The following GRID2 variants were observed in gnomAD, a reference collection of about 807,000 sequenced individuals.
GRID2 encodes the protein glutamate ionotropic receptor delta type subunit 2.
A neutral mutation model predicts 114.8 loss-of-function variants in GRID2; 33 were observed. That is an observed-to-expected ratio of 0.29 (90% CI 0.22 to 0.38). The LOEUF is 0.38. Ranked by LOEUF, GRID2 falls within the 10% of genes least tolerant of loss-of-function variation. GRID2 has a pLI of 1.00. For missense variants in GRID2, 1,184 were observed against 1,257.7 expected (o/e 0.94, Z 0.89); for synonymous variants, 505 against 449.9 (o/e 1.12, Z -1.55).
In GRID2 at chr4:93,707,112, A is replaced by T. The variant is rs180879233; in HGVS notation, c.2361-62098A>T. ...GTTGTTGAACTCAGTTTGCTGGTGT[A>T]TTGTTAAGGATTTTGCATCAGCATT... On this transcript the variant is annotated intron_variant, in intron 14 of 15. Coordinates refer to ENST00000282020, the MANE Select transcript of GRID2 (RefSeq NM_001510.4). 2.7e-3 allele frequency among the ~76,000 whole-genome samples: 404 copies of T among 152,042 alleles called. 4 individuals carry two copies. Among genetic ancestry groups the T allele is most frequent in the African/African-American group, 9.3e-3 (386 of 41,498 alleles).
intron 2 of GRID2, among the ~76,000 whole-genome samples, chr4:92,701,095 C>T (rs1734656026): frequency 6.6e-6 from 1 of 151,812 alleles, no homozygotes; most frequent in Non-Finnish European, 1.5e-5. Context: ...TTAACATTTA[C>T]CAGATTTAAC....
chr4:93,090,041 T>C (rs1414274977), intron 3 of GRID2, among the ~76,000 whole-genome samples: 2 of 152,176 alleles, frequency 1.3e-5, no homozygotes, highest in East Asian at 3.9e-4. Context: ...AGGAGACCTA[T>C]GGAGAATTGT....
chr4:93,766,568 G>A (rs1489288423), intron 14 of GRID2, among the ~76,000 whole-genome samples: 1 of 152,184 alleles, frequency 6.6e-6, no homozygotes, highest in Non-Finnish European at 1.5e-5. Flanking sequence ...ATGGTGTGAT[G>A]CAAATAGGAG....
intron 9 of GRID2, among the ~76,000 whole-genome samples, chr4:93,413,328 C>A (rs1353536691): frequency 6.6e-6 from 1 of 152,024 alleles, no homozygotes; most frequent in Non-Finnish European, 1.5e-5. Context: ...GGTTTTGATT[C>A]GCATTGCTCT....
At chr4:93,001,089 T>A (rs187510391) in intron 2 of GRID2, among the ~76,000 whole-genome samples, 1 of 151,826 alleles carries the variant, frequency 6.6e-6, no homozygotes, top group East Asian at 1.9e-4. Context: ...GATGAAAACA[T>A]ATTTATTTGG....
intron 2 of GRID2, among the ~76,000 whole-genome samples, chr4:92,888,108 T>G (rs936584150): frequency 2.0e-5 from 3 of 152,214 alleles, no homozygotes; most frequent in East Asian, 3.8e-4. Flanking sequence ...ACCATCTAGC[T>G]TAACTTGTTC....
chr4:92,865,578 T>C (rs1025995589), intron 2 of GRID2, among the ~76,000 whole-genome samples: 25 of 152,210 alleles, frequency 1.6e-4, no homozygotes, highest in African/African-American at 6.0e-4. Context: ...CTTGCTATCA[T>C]ATTCCCTTCA....
intron 10 of GRID2, among the ~76,000 whole-genome samples, chr4:93,453,316 AAGAGAGAGAGAGAGAGAGAGAGAGAG>A (rs3044025): frequency 2.4e-5 from 3 of 127,210 alleles, no homozygotes; most frequent in Non-Finnish European, 3.2e-5. Flanking sequence ...AGAGATGGGA[AAGAGAGAGAGAGAGAGAGAGAGAGAG>A]AGAGAGAGAG....
At chr4:93,258,008 A>G (rs1749811886) in intron 8 of GRID2, among the ~76,000 whole-genome samples, 1 of 145,994 alleles carries the variant, frequency 6.8e-6, no homozygotes, top group South Asian at 2.1e-4. Flanking sequence ...ATACACACAC[A>G]CACACACACA....
At chr4:93,083,459 C>T (rs774237814) in intron 2 of GRID2, among the ~76,000 whole-genome samples, 9 of 151,792 alleles carry the variant, frequency 5.9e-5, no homozygotes, top group African/African-American at 9.7e-5. Flanking sequence ...CTTTGGAGGC[C>T]GAGGCAGGTG....
At chr4:93,051,553 A>G (rs953555099) in intron 2 of GRID2, among the ~76,000 whole-genome samples, 1 of 152,030 alleles carries the variant, frequency 6.6e-6, no homozygotes, top group Non-Finnish European at 1.5e-5. Flanking sequence ...CTGAGAAAAA[A>G]CATAAGCATT....
At position 92,926,368 on chromosome 4, in the gene GRID2, A is replaced by AT. The variant is rs1185536112; in HGVS notation, c.245-158624dup. ...AAGCTACTATTTTGTAGTGGTGACAATTTGTTGTGTGAATCAGTATGTACA... is the reference window on the plus strand; with the variant it reads ...AAGCTACTATTTTGTAGTGGTGACAATTTTGTTGTGTGAATCAGTATGTACA... On this transcript the variant is annotated intron_variant, in intron 2 of 15. Transcript: ENST00000282020. 3.3e-5 allele frequency among the ~76,000 whole-genome samples: 5 copies of AT among 152,084 alleles called. No individual in the cohort carries two copies. The East Asian group carries it at 9.7e-4, about 29-fold the overall frequency.
At chr4:93,158,325 G>A (rs1737366118) in intron 4 of GRID2, among the ~76,000 whole-genome samples, 1 of 151,740 alleles carries the variant, frequency 6.6e-6, no homozygotes, top group African/African-American at 2.4e-5. Context: ...CTTGATATGT[G>A]CCTTTTAAAA....
chr4:93,329,855 A>G (rs1374764032), intron 8 of GRID2, among the ~76,000 whole-genome samples: 1 of 151,960 alleles, frequency 6.6e-6, no homozygotes, highest in Non-Finnish European at 1.5e-5. Context: ...ATCTTTACAA[A>G]CGTAGGATTC....
At position 93,683,215 on chromosome 4, in the gene GRID2, G is replaced by C. The variant is rs74588863; in HGVS notation, c.2360+56780G>C. ...GTCCACCATTTCCACCTATAGGCCTGCTTCTAAACTATAACCCTGCTCAGA... is the reference window on the plus strand; with the variant it reads ...GTCCACCATTTCCACCTATAGGCCTCCTTCTAAACTATAACCCTGCTCAGA... On this transcript the variant is annotated intron_variant, in intron 14 of 15. Transcript: ENST00000282020. Among the ~76,000 whole-genome samples, 698 of 152,016 alleles carry C rather than the reference G, an allele frequency of 4.6e-3. 6 individuals carry two copies. The highest frequency in any genetic ancestry group is 0.015 in the African/African-American group (610 of 41,478).
chr4:93,624,703 A>G (rs908894813), intron 13 of GRID2, among the ~76,000 whole-genome samples: 7 of 152,204 alleles, frequency 4.6e-5, no homozygotes, highest in Non-Finnish European at 7.3e-5. Flanking sequence ...AATATAAGCA[A>G]ACTAACCTTG....
At chr4:92,642,446 A>G (rs1362063266) in intron 2 of GRID2, among the ~76,000 whole-genome samples, 1 of 151,822 alleles carries the variant, frequency 6.6e-6, no homozygotes, top group African/African-American at 2.4e-5. Flanking sequence ...TCTTTTGAAA[A>G]GTGTTGATGT....
At chr4:92,904,233 C>G (rs566293614) in intron 2 of GRID2, among the ~76,000 whole-genome samples, 1 of 150,896 alleles carries the variant, frequency 6.6e-6, no homozygotes, top group East Asian at 1.9e-4. Context: ...TTTAATGACT[C>G]CTGTATACTC....
chr4:92,974,652 G>C (rs1753736301), intron 2 of GRID2, among the ~76,000 whole-genome samples: 1 of 151,858 alleles, frequency 6.6e-6, no homozygotes, highest in Admixed American at 6.6e-5. Flanking sequence ...CATGGACACA[G>C]GAAGGGAAAC....
Sources: gnomAD v4.1 joint callset for allele counts (sites outside exome capture counted in the v4.1 genomes callset) on GRCh38, gnomAD v4.1.1 for gene constraint, MANE v1.5 for transcripts, NCBI Gene and HGNC (gene_info 2026-07-23, HGNC 2026-07-21) for gene names.